NLGN4X: variants seen among roughly 807,000 people sequenced by gnomAD.
NLGN4X encodes the protein neuroligin 4 X-linked.
In NLGN4X, 3 loss-of-function variants were observed where a neutral mutation model predicts 40.3. That is an observed-to-expected ratio of 0.07 (90% CI 0.03 to 0.19). NLGN4X has a LOEUF of 0.19. Ranked by LOEUF, NLGN4X falls within the 10% of genes least tolerant of loss-of-function variation. NLGN4X has a pLI of 1.00. For synonymous variants in NLGN4X, 270 were observed against 306.8 expected (o/e 0.88, Z 1.25); for missense variants, 382 against 708.3 (o/e 0.54, Z 5.23).
chrX:6,228,115 C>G (rs1208834571), intron 1 of NLGN4X, among the ~76,000 whole-genome samples: 1 of 111,636 alleles, frequency 9.0e-6, no homozygotes, highest in African/African-American at 3.3e-5. Flanking sequence ...CCTCCTCTCC[C>G]CGCCACAGTC....
intron 3 of NLGN4X, among the ~76,000 whole-genome samples, chrX:5,921,782 G>C (rs1181604612): frequency 8.9e-6 from 1 of 111,793 alleles, no homozygotes; most frequent in Non-Finnish European, 1.9e-5. Flanking sequence ...TGCTGTTTTG[G>C]GCAGATGCAT....
At chrX:6,028,204 T>C (rs180820762) in intron 3 of NLGN4X, among the ~76,000 whole-genome samples, 36 of 112,157 alleles carry the variant, frequency 3.2e-4, no homozygotes, top group African/African-American at 1.1e-3. Context: ...TTAAAAACTT[T>C]ATCTTCTATA....
chrX:6,225,002 A>ATATAT (rs1556015448), intron 1 of NLGN4X, among the ~76,000 whole-genome samples: 775 of 55,781 alleles, frequency 0.014, 17 homozygotes, highest in African/African-American at 0.051. Context: ...ATATATATAT[A>ATATAT]TATATATATA....
chrX:6,008,161 G>A (rs1445293095), intron 3 of NLGN4X, among the ~76,000 whole-genome samples: 1 of 111,774 alleles, frequency 8.9e-6, no homozygotes, highest in African/African-American at 3.3e-5. Context: ...ATGTCATTTA[G>A]TATATTTGCA....
intron 1 of NLGN4X, among the ~76,000 whole-genome samples, chrX:6,171,391 A>G (rs897871227): frequency 1.5e-4 from 17 of 111,339 alleles, no homozygotes; most frequent in African/African-American, 5.2e-4. Context: ...TTGAAGTCTC[A>G]CTCTAGGATT....
chrX:6,095,321 A>C (rs1175582878), intron 2 of NLGN4X, among the ~76,000 whole-genome samples: 1 of 111,685 alleles, frequency 9.0e-6, no homozygotes, highest in Non-Finnish European at 1.9e-5. Flanking sequence ...GCTGGAAAAC[A>C]ATAGTTGCAA....
intron 2 of NLGN4X, among the ~76,000 whole-genome samples, chrX:6,134,673 A>G (rs1000025359): frequency 6.4e-4 from 72 of 112,653 alleles, no homozygotes; most frequent in African/African-American, 2.3e-3. Flanking sequence ...ATGGAAGCAA[A>G]TGTTAGCAAA....
chrX:6,084,511 A>C (rs1229497558), intron 2 of NLGN4X, among the ~76,000 whole-genome samples: 1 of 111,684 alleles, frequency 9.0e-6, no homozygotes, highest in Non-Finnish European at 1.9e-5. Flanking sequence ...CTGTTAGTAT[A>C]AAAATGAGAT....
intron 2 of NLGN4X, among the ~76,000 whole-genome samples, chrX:6,040,284 T>C (rs1209448104): frequency 2.7e-5 from 3 of 111,458 alleles, no homozygotes; most frequent in Non-Finnish European, 5.6e-5. Flanking sequence ...GTGTAACTAA[T>C]ATCATTTTAT....
At chrX:5,941,178 GGGGTGTGTGTGTGTGT>G (rs1256020111) in intron 3 of NLGN4X, among the ~76,000 whole-genome samples, 67 of 51,997 alleles carry the variant, frequency 1.3e-3, no homozygotes, top group Middle Eastern at 7.6e-3. Context: ...CGTATGCTAG[GGGGTGTGTGTGTGTGT>G]GTGTGTGTGT....
intron 1 of NLGN4X, among the ~76,000 whole-genome samples, chrX:6,167,968 T>C (rs1275646288): frequency 8.9e-6 from 1 of 112,107 alleles, no homozygotes; most frequent in Non-Finnish European, 1.9e-5. Flanking sequence ...TCTGTATAGA[T>C]AGGATTTTTA....
At chrX:5,901,308 T>C (rs1011087339) in intron 5 of NLGN4X, among the ~76,000 whole-genome samples, 1 of 112,066 alleles carries the variant, frequency 8.9e-6, no homozygotes, top group African/African-American at 3.2e-5. Context: ...GCCACTGCAG[T>C]CTCAGAGCCT....
At chrX:6,183,542 G>T (rs1225621967) in intron 1 of NLGN4X, among the ~76,000 whole-genome samples, 2 of 105,888 alleles carry the variant, frequency 1.9e-5, no homozygotes, top group African/African-American at 7.2e-5. Flanking sequence ...GCAAGACTCC[G>T]TCTCAAAAAA....
intron 5 of NLGN4X, among the ~76,000 whole-genome samples, chrX:5,894,835 T>C (rs1003912547): frequency 8.9e-6 from 1 of 112,531 alleles, no homozygotes; most frequent in African/African-American, 3.2e-5. Context: ...TTTGAGATTA[T>C]GCATGGCAAA....
At chrX:6,102,331 C>T (rs191256147) in intron 2 of NLGN4X, among the ~76,000 whole-genome samples, 86 of 110,970 alleles carry the variant, frequency 7.7e-4, no homozygotes, top group African/African-American at 2.7e-3. Context: ...TAATCCCCAA[C>T]GGGACAGTAT....
At position 5,921,133 on chromosome X, in the gene NLGN4X, T is replaced by TTATATATATATATACATATATATA. The variant is rs1555919724; in HGVS notation, c.626-11918_626-11895dup. Among the ~76,000 whole-genome samples, 83 of 64,995 alleles carry TTATATATATATATACATATATATA rather than the reference T, an allele frequency of 1.3e-3. 1 individual carries two copies. Among genetic ancestry groups the TTATATATATATATACATATATATA allele is most frequent in the African/African-American group, 5.2e-3 (77 of 14,855 alleles). 56.4% of individuals were successfully genotyped at this position (64,995 alleles called of 115,157 possible). Reference sequence around the variant, plus strand: ...CAAGATCACATATGGTAAGTATTTTTTATATATATATATACATATATATAT... The same window carrying TTATATATATATATACATATATATA: ...CAAGATCACATATGGTAAGTATTTTTTATATATATATATACATATATATATATATATATATATACATATATATAT... On this transcript the variant is annotated intron_variant, in intron 3 of 5. Coordinates refer to ENST00000381095, the MANE Select transcript of NLGN4X (RefSeq NM_181332.3).
At chrX:6,174,153 A>C (rs1316603718) in intron 1 of NLGN4X, among the ~76,000 whole-genome samples, 1 of 112,252 alleles carries the variant, frequency 8.9e-6, no homozygotes, top group Non-Finnish European at 1.9e-5. Flanking sequence ...AGCAATCAAT[A>C]AACATCTGAA....
rs1453838860 is a variant in NLGN4X, at chrX:5,890,576, T to A, written c.*2241A>T. 9.2e-6 allele frequency: 3 copies of A among 325,472 alleles called. No individual in the cohort carries two copies. Among genetic ancestry groups the A allele is most frequent in the Non-Finnish European group, 1.8e-5 (3 of 169,009 alleles). The allele number at this position is 325,472 out of a possible 1,213,427, so 26.8% of individuals were successfully genotyped here. A position where few individuals can be genotyped will look rare whatever the true frequency, so the allele number is the denominator to read the frequency against. On this transcript the variant is annotated 3_prime_UTR_variant, in exon 6 of 6. Coordinates refer to ENST00000381095, the MANE Select transcript of NLGN4X (RefSeq NM_181332.3). Reference sequence around the variant, plus strand: ...ATGCCACACATAACTTCCTTTGTAGTTTCACAGAGAGCCTATTTGTGGTTG... The same window carrying A: ...ATGCCACACATAACTTCCTTTGTAGATTCACAGAGAGCCTATTTGTGGTTG...
intron 2 of NLGN4X, among the ~76,000 whole-genome samples, chrX:6,068,762 T>C (rs1049584673): frequency 1.1e-4 from 12 of 111,460 alleles, no homozygotes; most frequent in East Asian, 8.6e-4. Flanking sequence ...TTAAATTTCA[T>C]TGAGCTAAGA....
Sources: allele counts gnomAD v4.1 joint callset (sites outside exome capture counted in the v4.1 genomes callset), GRCh38; gene constraint gnomAD v4.1.1; transcripts MANE v1.5; gene names NCBI Gene and HGNC (gene_info 2026-07-23, HGNC 2026-07-21).